Variants in REDIC1 observed in about 807,000 individuals in gnomAD.
The protein encoded by REDIC1 is HEI10 Interacting Protein 1.
the REDIC1 span, among the ~76,000 whole-genome samples, chr12:39,678,052 C>G: frequency 6.6e-6 from 1 of 152,030 alleles, no homozygotes; most frequent in Non-Finnish European, 1.5e-5. Context: ...CAAGAACAAA[C>G]CAAGCCCAAA....
At chr12:39,713,071 A>G in the REDIC1 span, among the ~76,000 whole-genome samples, 1 of 147,098 alleles carries the variant, frequency 6.8e-6, no homozygotes, top group African/African-American at 2.5e-5. Flanking sequence ...ATGTGTATAC[A>G]CGTGCATACG....
chr12:39,764,277 G>T, the REDIC1 span, among the ~76,000 whole-genome samples: 1 of 152,032 alleles, frequency 6.6e-6, no homozygotes, highest in African/African-American at 2.4e-5. Context: ...TTTAGGATAG[G>T]AGAATCCCTC....
chr12:39,840,376 G>A, the REDIC1 span, among the ~76,000 whole-genome samples: 1 of 151,952 alleles, frequency 6.6e-6, no homozygotes, highest in Admixed American at 6.6e-5. Flanking sequence ...AATCTAACCT[G>A]ATCAGATTTC....
chr12:39,847,468 C>T, the REDIC1 span, among the ~76,000 whole-genome samples: 1 of 152,074 alleles, frequency 6.6e-6, no homozygotes, highest in African/African-American at 2.4e-5. Context: ...TTCAGGAAGA[C>T]TTCAAAGGGA....
the REDIC1 span, among the ~76,000 whole-genome samples, chr12:39,816,730 C>T: frequency 6.6e-6 from 1 of 151,804 alleles, no homozygotes; most frequent in African/African-American, 2.4e-5. Flanking sequence ...TAAGCCTGTC[C>T]TTTCATGGGT....
At chr12:39,784,334 G>C in the REDIC1 span, among the ~76,000 whole-genome samples, 1 of 152,142 alleles carries the variant, frequency 6.6e-6, no homozygotes, top group Non-Finnish European at 1.5e-5. Context: ...ACACTAGAAG[G>C]CTACAGTAAC....
chr12:39,723,516 G>T, the REDIC1 span, among the ~76,000 whole-genome samples: 1 of 151,780 alleles, frequency 6.6e-6, no homozygotes, highest in African/African-American at 2.4e-5. Flanking sequence ...GGCTTTCTCG[G>T]TGAAACTGAT....
chr12:39,877,871 C>T, the REDIC1 span, among the ~76,000 whole-genome samples: 1 of 152,140 alleles, frequency 6.6e-6, no homozygotes, highest in East Asian at 1.9e-4. Context: ...GAAATGTAGT[C>T]CCCAGTGCTG....
At chr12:39,693,784 G>A in the REDIC1 span, among the ~76,000 whole-genome samples, 1 of 152,064 alleles carries the variant, frequency 6.6e-6, no homozygotes, top group Admixed American at 6.6e-5. Context: ...TATTTGTGGA[G>A]GTTCATTTTC....
chr12:39,780,821 G>A, the REDIC1 span, among the ~76,000 whole-genome samples: 1,645 of 152,254 alleles, frequency 0.011, 25 homozygotes, highest in African/African-American at 0.036. Flanking sequence ...ATACAGTCAT[G>A]ACAGTAAGGA....
At chr12:39,676,258 A>G in the REDIC1 span, among the ~76,000 whole-genome samples, 1 of 152,178 alleles carries the variant, frequency 6.6e-6, no homozygotes, top group Middle Eastern at 3.2e-3. Flanking sequence ...AAGAAAAGAC[A>G]ATCAAAACTT....
chr12:39,754,907 A>C, the REDIC1 span: 1 of 152,092 alleles, frequency 6.6e-6, no homozygotes, highest in African/African-American at 2.4e-5. Flanking sequence ...TATCATTAAA[A>C]TGAGTAGGAC....
the REDIC1 span, among the ~76,000 whole-genome samples, chr12:39,893,874 A>G: frequency 3.3e-5 from 5 of 152,218 alleles, no homozygotes; most frequent in African/African-American, 1.2e-4. Flanking sequence ...TTGAATTCAC[A>G]ATCCATATGA....
the REDIC1 span, among the ~76,000 whole-genome samples, chr12:39,719,030 G>T: frequency 1.3e-5 from 2 of 152,036 alleles, no homozygotes; most frequent in Non-Finnish European, 2.9e-5. Flanking sequence ...ACATAAAAAG[G>T]TATTTCACAA....
chr12:39,805,549 G>A, the REDIC1 span, among the ~76,000 whole-genome samples: 1 of 151,804 alleles, frequency 6.6e-6, no homozygotes, highest in Non-Finnish European at 1.5e-5. Flanking sequence ...TATTCCCATA[G>A]GCCTGAAACA....
At chr12:39,899,322 G>A in the REDIC1 span, among the ~76,000 whole-genome samples, 1 of 152,070 alleles carries the variant, frequency 6.6e-6, no homozygotes, top group South Asian at 2.1e-4. Context: ...GGGATTGGTG[G>A]TGATATCCCC....
the REDIC1 span, among the ~76,000 whole-genome samples, chr12:39,806,814 T>C: frequency 1.2e-4 from 19 of 152,120 alleles, no homozygotes. Flanking sequence ...GGAGTTAAAA[T>C]TGGAAACAAC....
chr12:39,740,249 G>A, the REDIC1 span, among the ~76,000 whole-genome samples: 1 of 152,284 alleles, frequency 6.6e-6, no homozygotes, highest in South Asian at 2.1e-4. Context: ...GTTGGGGGGA[G>A]TAGCACAGTT....
the REDIC1 span, among the ~76,000 whole-genome samples, chr12:39,784,625 G>A: frequency 6.6e-6 from 1 of 152,144 alleles, no homozygotes; most frequent in African/African-American, 2.4e-5. Flanking sequence ...AAAAACCCTA[G>A]AAGAAAATCT....
Sources: allele counts gnomAD v4.1 joint callset (sites outside exome capture counted in the v4.1 genomes callset), GRCh38; gene constraint gnomAD v4.1.1; transcripts MANE v1.5; gene names NCBI Gene and HGNC (gene_info 2026-07-23, HGNC 2026-07-21).